Variants in RGL1 observed in about 807,000 individuals in gnomAD.
The protein encoded by RGL1 is ral guanine nucleotide dissociation stimulator like 1.
Under a neutral mutation model 95.2 loss-of-function variants are expected in RGL1, and 24 were observed. That is an observed-to-expected ratio of 0.25 (90% CI 0.18 to 0.35). The LOEUF is 0.35. RGL1 is among the 10% of genes least tolerant of loss of function. The pLI is 1.00. For missense variants in RGL1, 715 were observed against 936.3 expected (o/e 0.76, Z 3.08); for synonymous variants, 329 against 344.9 (o/e 0.95, Z 0.51).
chr1:183,853,197 G>A (rs758709589), intron 3 of RGL1, among the ~76,000 whole-genome samples: 16 of 152,248 alleles, frequency 1.1e-4, no homozygotes, highest in East Asian at 1.9e-4. Flanking sequence ...TTAGCTGGGC[G>A]TGGTGGTGCA....
At chr1:183,850,155 CTGTT>C (rs1664744859) in intron 3 of RGL1, among the ~76,000 whole-genome samples, 2 of 152,088 alleles carry the variant, frequency 1.3e-5, no homozygotes, top group Non-Finnish European at 2.9e-5. Flanking sequence ...TTCTTATTGG[CTGTT>C]TGTGTTTTCT....
chr1:183,890,292 A>G (rs760955059), intron 8 of RGL1, among the ~76,000 whole-genome samples: 1 of 152,194 alleles, frequency 6.6e-6, no homozygotes, highest in Non-Finnish European at 1.5e-5. Context: ...CTTCCACAGC[A>G]AGTTTGAGAC....
At chr1:183,877,583 C>T (rs913731025) in intron 4 of RGL1, among the ~76,000 whole-genome samples, 11 of 152,212 alleles carry the variant, frequency 7.2e-5, no homozygotes, top group Non-Finnish European at 1.6e-4. Flanking sequence ...ATGAGGAGGG[C>T]AGGGCTCTGC....
chr1:183,741,977 T>C, intron 1 of RGL1: 3 of 570,854 alleles, frequency 5.3e-6, no homozygotes, highest in Non-Finnish European at 3.1e-6. Context: ...ATATTTAGAA[T>C]ATAAAAGTGG....
intron 3 of RGL1, among the ~76,000 whole-genome samples, chr1:183,860,447 C>G (rs1241220933): frequency 6.6e-6 from 1 of 152,182 alleles, no homozygotes. Context: ...CTCCATGCCT[C>G]CTTTTCTATT....
At chr1:183,856,052 A>G (rs944990858) in intron 3 of RGL1, among the ~76,000 whole-genome samples, 1 of 152,138 alleles carries the variant, frequency 6.6e-6, no homozygotes, top group South Asian at 2.1e-4. Context: ...TGCACATCCC[A>G]TTTATTTAGT....
At chr1:183,721,647 CTAATT>C (rs1656020427) in intron 1 of RGL1, among the ~76,000 whole-genome samples, 1 of 152,240 alleles carries the variant, frequency 6.6e-6, no homozygotes, top group Admixed American at 6.5e-5. Flanking sequence ...AATGCGCACT[CTAATT>C]TAGGCACCCT....
chr1:183,664,875 T>C (rs1031914140), intron 1 of RGL1, among the ~76,000 whole-genome samples: 1 of 152,174 alleles, frequency 6.6e-6, no homozygotes, highest in African/African-American at 2.4e-5. Flanking sequence ...TGTATACTTT[T>C]TTTTCCCAAT....
chr1:183,896,746 C>CT (rs1667725221), intron 9 of RGL1, among the ~76,000 whole-genome samples: 1 of 152,196 alleles, frequency 6.6e-6, no homozygotes, highest in South Asian at 2.1e-4. Context: ...CGCAAAAGCA[C>CT]TTAATGTTCA....
chr1:183,721,722 CT>C (rs1189874929), intron 1 of RGL1, among the ~76,000 whole-genome samples: 19 of 152,192 alleles, frequency 1.2e-4, no homozygotes, highest in African/African-American at 4.6e-4. Flanking sequence ...ACCTTGGATA[CT>C]GTTTTCTTAG....
intron 2 of RGL1, among the ~76,000 whole-genome samples, chr1:183,843,219 T>C (rs1664184338): frequency 6.6e-6 from 1 of 152,252 alleles, no homozygotes; most frequent in Non-Finnish European, 1.5e-5. Flanking sequence ...TCTATACTTA[T>C]TTTATGATAT....
At chr1:183,698,250 T>G (rs1329410243) in intron 1 of RGL1, among the ~76,000 whole-genome samples, 1 of 152,220 alleles carries the variant, frequency 6.6e-6, no homozygotes, top group East Asian at 1.9e-4. Context: ...AGCCCTTGCG[T>G]TCTGTAACAC....
At chr1:183,802,600 C>CAAAAAAAAAAAAAAAAAAAAAAAAA (rs34038144), upstream of RGL1, among the ~76,000 whole-genome samples, 1 of 90,068 alleles carries the variant, frequency 1.1e-5, no homozygotes, top group Non-Finnish European at 2.2e-5. Context: ...GGTGTATCAG[C>CAAAAAAAAAAAAAAAAAAAAAAAAA]AAAAAAAAAA....
At chr1:183,733,358 C>T (rs2102235120) in intron 1 of RGL1, among the ~76,000 whole-genome samples, 1 of 152,150 alleles carries the variant, frequency 6.6e-6, no homozygotes, top group South Asian at 2.1e-4. Flanking sequence ...TTTTGGGCAC[C>T]AGGTCATCAG....
intron 1 of RGL1, among the ~76,000 whole-genome samples, chr1:183,658,249 G>A (rs540769511): frequency 1.4e-3 from 219 of 152,030 alleles, no homozygotes; most frequent in African/African-American, 5.1e-3. Context: ...CCGAAGCAGG[G>A]CGAGGCATTG....
In RGL1 at chr1:183,928,241, A is replaced by G. The variant is rs1000944136; in HGVS notation, c.*1949A>G. 6.6e-6 allele frequency: 1 copy of G among 152,060 alleles called. No homozygotes were observed. Among genetic ancestry groups the G allele is most frequent in the Non-Finnish European group, 1.5e-5 (1 of 67,956 alleles). The allele number at this position is 152,060 out of a possible 1,614,324, so 9.4% of individuals were successfully genotyped here. A position where few individuals can be genotyped will look rare whatever the true frequency, so the allele number is the denominator to read the frequency against. ...AGACATATATGTTGTGCCCGTGTTC[A>G]TCCTGTGTATTTATACTGTATATGT... On this transcript the variant is annotated 3_prime_UTR_variant, in exon 18 of 18. Coordinates refer to ENST00000360851, the MANE Select transcript of RGL1 (RefSeq NM_001297671.3).
rs1041598642 is a variant in RGL1, at chr1:183,926,049, C to T, written c.2120-56C>T. ...GGGCAAGGTTTACAGCTGCCGTTGT[C>T]AGTACTGAGCTGACCTCCACAAGCT... On this transcript the variant is annotated intron_variant, in intron 17 of 17. Coordinates refer to ENST00000360851, the MANE Select transcript of RGL1 (RefSeq NM_001297671.3). The T allele has an allele frequency of 3.7e-5, 55 of 1,485,606 alleles. 2 individuals are homozygous for T. The Middle Eastern group carries it at 5.3e-4, about 14-fold the overall frequency. 92.0% of individuals were successfully genotyped at this position (1,485,606 alleles called of 1,614,324 possible). A position where few individuals can be genotyped will look rare whatever the true frequency, so the allele number is the denominator to read the frequency against.
chr1:183,783,565 C>T (rs1161854694), intron 2 of RGL1, among the ~76,000 whole-genome samples: 2 of 152,166 alleles, frequency 1.3e-5, no homozygotes, highest in African/African-American at 2.4e-5. Flanking sequence ...GACTATTACT[C>T]ATTTTGTGAA....
rs999852985 is a variant in RGL1, at chr1:183,806,243, G to A, written c.28-132G>A. On this transcript the variant is annotated intron_variant, in intron 1 of 17. Coordinates refer to ENST00000360851, the MANE Select transcript of RGL1 (RefSeq NM_001297671.3). ...CAAAATGTGTCTTGTATTGCGGATT[G>A]TAATATTTATTTTGAACAGCCCATC... 3 of 630,824 alleles carry A rather than the reference G, an allele frequency of 4.8e-6. No individual in the cohort carries two copies. In the African/African-American group the frequency reaches 5.5e-5, roughly 12 times the overall value. The allele number at this position is 630,824 out of a possible 1,614,324, so 39.1% of individuals were successfully genotyped here.
Sources: gnomAD v4.1 joint callset for allele counts (sites outside exome capture counted in the v4.1 genomes callset) on GRCh38, gnomAD v4.1.1 for gene constraint, MANE v1.5 for transcripts, NCBI Gene and HGNC (gene_info 2026-07-23, HGNC 2026-07-21) for gene names.